The following AOAH variants were observed in gnomAD, a reference collection of about 807,000 sequenced individuals.
AOAH encodes the protein acyloxyacyl hydrolase (neutrophil).
In AOAH, 64 loss-of-function variants were observed where a neutral mutation model predicts 92.2. The ratio of observed to expected loss-of-function variants is 0.69; its 90% CI spans 0.57 to 0.86. The LOEUF is 0.86. Ranked by LOEUF, AOAH falls within the 40% of genes least tolerant of loss-of-function variation. AOAH has a pLI of 0.00. For missense variants in AOAH, 656 were observed against 694.6 expected (o/e 0.94, Z 0.62); for synonymous variants, 263 against 254.5 (o/e 1.03, Z -0.32).
At chr7:36,611,520 G>T (rs1791456318) in intron 11 of AOAH, among the ~76,000 whole-genome samples, 1 of 152,194 alleles carries the variant, frequency 6.6e-6, no homozygotes, top group Non-Finnish European at 1.5e-5. Flanking sequence ...CTCTAGGATG[G>T]GGCCGGCTGC....
intron 3 of AOAH, among the ~76,000 whole-genome samples, chr7:36,666,094 A>G (rs577828122): frequency 7.9e-5 from 12 of 152,238 alleles, no homozygotes; most frequent in Middle Eastern, 6.8e-3. Flanking sequence ...CTTAGCTTCT[A>G]TCTTCTGAAA....
In AOAH at chr7:36,678,550, A is replaced by AGTGTGTGTGTGTGTGTGT. The variant is rs529261307; in HGVS notation, c.224-4559_224-4542dup. On this transcript the variant is annotated intron_variant, in intron 2 of 20. Coordinates refer to ENST00000617537, the MANE Select transcript of AOAH (RefSeq NM_001637.4). ...TCATCTTCTTTCTGGTAAGATAAGC[A>AGTGTGTGTGTGTGTGTGT]GTGTGTGTGTGTGTGTGTGTGTGTG... 1.1e-3 allele frequency among the ~76,000 whole-genome samples: 134 copies of AGTGTGTGTGTGTGTGTGT among 118,910 alleles called. 3 individuals carry two copies. Among genetic ancestry groups the AGTGTGTGTGTGTGTGTGT allele is most frequent in the East Asian group, 2.9e-3 (12 of 4,078 alleles). The allele number at this position is 118,910 out of a possible 152,430, so 78.0% of individuals were successfully genotyped here.
At chr7:36,641,722 T>A (rs1793934759) in intron 4 of AOAH, among the ~76,000 whole-genome samples, 1 of 152,082 alleles carries the variant, frequency 6.6e-6, no homozygotes, top group Non-Finnish European at 1.5e-5. Flanking sequence ...CCACTAAACC[T>A]CAAGCTCTAG....
At chr7:36,659,755 CTTTTTTT>C (rs112482487) in intron 3 of AOAH, among the ~76,000 whole-genome samples, 7 of 127,982 alleles carry the variant, frequency 5.5e-5, no homozygotes, top group Admixed American at 1.7e-4. Context: ...TTTTTTCTTT[CTTTTTTT>C]TTTTTTTTTT....
chr7:36,616,255 A>G, intron 11 of AOAH, 125 bp downstream of exon 11: 3 of 754,586 alleles, frequency 4.0e-6, no homozygotes, highest in Non-Finnish European at 2.3e-6. Flanking sequence ...TATGCCTTTC[A>G]TGGCAGATTT....
At chr7:36,549,567 C>A in intron 13 of AOAH, 92 bp from the exon 14 acceptor site, 4 of 867,838 alleles carry the variant, frequency 4.6e-6, no homozygotes, top group Non-Finnish European at 7.4e-6. Flanking sequence ...CTCATGAAAG[C>A]GGCATTACTG....
At chr7:36,717,738 T>C (rs1318886851) in intron 1 of AOAH, among the ~76,000 whole-genome samples, 1 of 150,614 alleles carries the variant, frequency 6.6e-6, no homozygotes, top group Non-Finnish European at 1.5e-5. Context: ...TTTTTTTTTT[T>C]TTTTGCTTAG....
intron 11 of AOAH, among the ~76,000 whole-genome samples, chr7:36,609,741 G>A (rs939064510): frequency 3.9e-5 from 6 of 151,974 alleles, no homozygotes; most frequent in South Asian, 2.1e-4. Context: ...TTCTTCGTCC[G>A]CATTGCCCCA....
At chr7:36,574,722 TA>T (rs1219149036) in intron 13 of AOAH, among the ~76,000 whole-genome samples, 2 of 152,186 alleles carry the variant, frequency 1.3e-5, no homozygotes, top group East Asian at 1.9e-4. Flanking sequence ...TCGAGTTTTT[TA>T]AAGGTTATTT....
chr7:36,623,587 C>T (rs1484891506), intron 6 of AOAH, among the ~76,000 whole-genome samples: 1 of 152,220 alleles, frequency 6.6e-6, no homozygotes, highest in Non-Finnish European at 1.5e-5. Context: ...TCAATGAACT[C>T]AGCACTACAA....
chr7:36,553,103 A>G (rs1361645397), intron 13 of AOAH, among the ~76,000 whole-genome samples: 5 of 142,514 alleles, frequency 3.5e-5, no homozygotes, highest in South Asian at 2.5e-4. Context: ...ATATCTCCCA[A>G]TGCTATCCCT....
At chr7:36,675,898 A>G (rs1027941232) in intron 2 of AOAH, among the ~76,000 whole-genome samples, 2 of 152,176 alleles carry the variant, frequency 1.3e-5, no homozygotes, top group African/African-American at 4.8e-5. Context: ...ATGATTATCC[A>G]ATATAGGCAG....
At chr7:36,707,042 CT>C (rs70977182) in intron 1 of AOAH, among the ~76,000 whole-genome samples, 50,571 of 145,442 alleles carry the variant, frequency 0.35, 9,083 homozygotes, top group East Asian at 0.55. Flanking sequence ...TTTCTCTTTT[CT>C]TTTTTTTTTT....
intron 13 of AOAH, among the ~76,000 whole-genome samples, chr7:36,552,337 T>C (rs1216222645): frequency 6.6e-6 from 1 of 152,236 alleles, no homozygotes; most frequent in Non-Finnish European, 1.5e-5. Flanking sequence ...CATGATCTCA[T>C]TCCTTTTTAT....
Position 36,632,068 on chromosome 7 carries a change from C to A in AOAH, c.489G>T (p.Pro163=), listed in dbSNP as rs553727878. Residue 163 remains proline (P), a synonymous_variant, in exon 6 of 21, where the codon CCG becomes CCT. Transcript: ENST00000617537. ...SRSGSDICSL[P]VLAKICQKIK... ...TTTTCTGGCAGATCTTGGCCAAAACCGGGAGTGAACAAATGTCAGAACCAC... is the reference window on the plus strand; with the variant it reads ...TTTTCTGGCAGATCTTGGCCAAAACAGGGAGTGAACAAATGTCAGAACCAC... 156 of 1,612,418 alleles carry A rather than the reference C, an allele frequency of 9.7e-5. 1 individual carries two copies. The South Asian group carries it at 1.6e-3, about 17-fold the overall frequency.
intron 2 of AOAH, among the ~76,000 whole-genome samples, chr7:36,679,347 T>G (rs1796495552): frequency 6.6e-6 from 1 of 150,740 alleles, no homozygotes; most frequent in South Asian, 2.1e-4. Context: ...AAAAAGAATC[T>G]TTTGAGGGGG....
intron 6 of AOAH, among the ~76,000 whole-genome samples, chr7:36,627,223 G>A (rs952389344): frequency 1.6e-4 from 25 of 152,104 alleles, no homozygotes; most frequent in African/African-American, 4.6e-4. Context: ...TGCTGTAAGC[G>A]GGTTGTGCAT....
At chr7:36,685,848 A>G (rs949630893) in intron 2 of AOAH, among the ~76,000 whole-genome samples, 9 of 152,176 alleles carry the variant, frequency 5.9e-5, no homozygotes, top group Admixed American at 4.6e-4. Context: ...TTTGAATTCT[A>G]AACATTTTAG....
At chr7:36,589,580 T>A (rs539624957) in intron 12 of AOAH, among the ~76,000 whole-genome samples, 16 of 152,308 alleles carry the variant, frequency 1.1e-4, no homozygotes, top group Admixed American at 7.8e-4. Flanking sequence ...TGTTGCCCAA[T>A]AACCATGCCC....
Sources: gnomAD v4.1 joint callset for allele counts (sites outside exome capture counted in the v4.1 genomes callset) on GRCh38, gnomAD v4.1.1 for gene constraint, MANE v1.5 for transcripts, NCBI Gene and HGNC (gene_info 2026-07-23, HGNC 2026-07-21) for gene names.